The following SYN3 variants were observed in gnomAD, a reference collection of about 807,000 sequenced individuals.
SYN3 encodes the protein synapsin III, also known as synapsin-3.
Under a neutral mutation model 65.8 loss-of-function variants are expected in SYN3, and 35 were observed. That is an observed-to-expected ratio of 0.53 (90% CI 0.41 to 0.70). The LOEUF is 0.70. SYN3 is among the 30% of genes least tolerant of loss of function. The probability of loss-of-function intolerance (pLI) is 0.00; values close to 1 mark genes in which losing one functional copy is unlikely to be tolerated. For missense variants in SYN3, 680 were observed against 749.0 expected, an observed-to-expected ratio of 0.91 and a Z score of 1.08; for synonymous variants, 270 against 292.9, an observed-to-expected ratio of 0.92 and a Z score of 0.80.
chr22:32,727,980 G>A (rs2061219534), intron 6 of SYN3, among the ~76,000 whole-genome samples: 1 of 152,178 alleles, frequency 6.6e-6, no homozygotes, highest in Admixed American at 6.5e-5. Flanking sequence ...GACCAAACAA[G>A]CAATGGGGAA....
intron 6 of SYN3, among the ~76,000 whole-genome samples, chr22:32,602,419 A>G (rs1032812694): frequency 6.6e-6 from 1 of 151,932 alleles, no homozygotes; most frequent in East Asian, 1.9e-4. Context: ...GTCAATAAAG[A>G]TAGTTCTATC....
chr22:33,001,052 T>C (rs1278884138), intron 2 of SYN3, among the ~76,000 whole-genome samples: 1 of 152,202 alleles, frequency 6.6e-6, no homozygotes, highest in African/African-American at 2.4e-5. Context: ...GGAGAAGCTG[T>C]ATGTTGGTGG....
intron 1 of SYN3, among the ~76,000 whole-genome samples, chr22:33,027,111 T>C (rs1360948243): frequency 6.6e-6 from 1 of 152,212 alleles, no homozygotes; most frequent in Non-Finnish European, 1.5e-5. Context: ...TGTGATTTCT[T>C]ACTCAATATA....
intron 6 of SYN3, among the ~76,000 whole-genome samples, chr22:32,721,604 T>C (rs2061119291): frequency 6.6e-6 from 1 of 152,234 alleles, no homozygotes; most frequent in Admixed American, 6.5e-5. Flanking sequence ...CACTTTTGAA[T>C]TCATTTTACA....
intron 6 of SYN3, among the ~76,000 whole-genome samples, chr22:32,735,310 C>T (rs960378438): frequency 5.9e-5 from 9 of 152,126 alleles, no homozygotes; most frequent in Non-Finnish European, 1.2e-4. Context: ...AGTGGTGGCA[C>T]CTACATGACA....
chr22:32,731,790 A>C (rs1299867286), intron 6 of SYN3, among the ~76,000 whole-genome samples: 1 of 152,170 alleles, frequency 6.6e-6, no homozygotes, highest in Non-Finnish European at 1.5e-5. Flanking sequence ...GAGGCAAGCA[A>C]TCAGAGGCAG....
At chr22:32,579,463 G>A (rs748463065) in intron 7 of SYN3, among the ~76,000 whole-genome samples, 4 of 152,132 alleles carry the variant, frequency 2.6e-5, no homozygotes, top group South Asian at 2.1e-4. Context: ...CACCTCCTAC[G>A]TAAGGGCACT....
intron 6 of SYN3, among the ~76,000 whole-genome samples, chr22:32,853,124 G>A (rs1180680599): frequency 1.3e-5 from 2 of 152,132 alleles, no homozygotes; most frequent in African/African-American, 4.8e-5. Context: ...GCAGGGTCTC[G>A]CCTTTGAAGC....
chr22:32,864,474 A>G (rs2048633386), intron 6 of SYN3: 1 of 160,098 alleles, frequency 6.2e-6, no homozygotes, highest in African/African-American at 2.4e-5. Context: ...TGAAGAGGAC[A>G]TGTAAGGAAA....
intron 3 of SYN3, among the ~76,000 whole-genome samples, chr22:32,938,615 G>A (rs148404520): frequency 1.3e-5 from 2 of 151,752 alleles, no homozygotes; most frequent in African/African-American, 4.8e-5. Context: ...ATTATACCCA[G>A]TAAAATTATC....
chr22:32,766,410 T>C (rs1009721694), intron 6 of SYN3, among the ~76,000 whole-genome samples: 4 of 152,194 alleles, frequency 2.6e-5, no homozygotes, highest in Non-Finnish European at 5.9e-5. Context: ...ACCTGTTCAA[T>C]CAGCGTGATA....
chr22:32,743,209 G>T (rs1030365267), intron 6 of SYN3, among the ~76,000 whole-genome samples: 4 of 152,210 alleles, frequency 2.6e-5, no homozygotes, highest in Admixed American at 2.0e-4. Context: ...CTAGGAAGTT[G>T]CCAGTGGATG....
chr22:32,541,175 G>A (rs1263619172), intron 8 of SYN3, among the ~76,000 whole-genome samples: 1 of 152,080 alleles, frequency 6.6e-6, no homozygotes, highest in African/African-American at 2.4e-5. Context: ...CAGCCTCATG[G>A]TCACCTTTTT....
In SYN3 at chr22:33,006,654, GA is replaced by G. The variant is rs1439006387; in HGVS notation, c.8del (p.Phe3SerfsTer20). MN[F>X]LRRRLSDSSF... The stretch of plus-strand genomic sequence containing the variant: ...TGCTGTCAGAGAGACGTCGCCGGAG[GA>G]AATTCATGGCTGTGGATGGATGGAG... On this transcript the variant is annotated frameshift_variant, in exon 2 of 14. Transcript: ENST00000358763. LOFTEE classifies it high-confidence loss of function. The G allele has an allele frequency of 1.3e-6, 2 of 1,575,312 alleles. No homozygotes were observed. The highest frequency in any genetic ancestry group is 1.7e-6 in the Non-Finnish European group (2 of 1,159,828).
At chr22:32,994,222 C>T (rs918176308) in intron 2 of SYN3, among the ~76,000 whole-genome samples, 35 of 152,098 alleles carry the variant, frequency 2.3e-4, no homozygotes, top group African/African-American at 7.0e-4. Context: ...CCTGGGAAAA[C>T]GGAGCTGTCT....
intron 5 of SYN3, among the ~76,000 whole-genome samples, chr22:32,866,569 T>A (rs1166845043): frequency 6.6e-6 from 1 of 152,146 alleles, no homozygotes; most frequent in African/African-American, 2.4e-5. Flanking sequence ...CTCCTACTCA[T>A]AAGGGTGCTA....
At chr22:32,965,888 G>A (rs2051824723) in intron 3 of SYN3, among the ~76,000 whole-genome samples, 1 of 152,136 alleles carries the variant, frequency 6.6e-6, no homozygotes, top group Admixed American at 6.5e-5. Context: ...TAGAGACGGG[G>A]TTTCGCTGTG....
intron 3 of SYN3, among the ~76,000 whole-genome samples, chr22:32,973,593 T>C (rs1464837440): frequency 1.3e-5 from 2 of 152,108 alleles, no homozygotes; most frequent in Admixed American, 6.6e-5. Flanking sequence ...TACTTAACAG[T>C]TTCTGTGTAG....
At chr22:32,716,505 C>T (rs73156419) in intron 6 of SYN3, among the ~76,000 whole-genome samples, 2,804 of 152,074 alleles carry the variant, frequency 0.018, 27 homozygotes, top group East Asian at 0.031. Flanking sequence ...CTGAAGGTGG[C>T]CCCATCAAAT....
Sources: allele counts gnomAD v4.1 joint callset (sites outside exome capture counted in the v4.1 genomes callset), GRCh38; gene constraint gnomAD v4.1.1; transcripts MANE v1.5; gene names NCBI Gene and HGNC (gene_info 2026-07-23, HGNC 2026-07-21).